The following PPARGC1A variants were observed in gnomAD, a reference collection of about 807,000 sequenced individuals.
PPARGC1A encodes peroxisome proliferator-activated receptor gamma coactivator 1-alpha.
In PPARGC1A, 25 loss-of-function variants were observed where a neutral mutation model predicts 88.7. The observed-to-expected ratio is 0.28, with a 90% CI of 0.21 to 0.39. The LOEUF (loss-of-function observed/expected upper bound fraction) is 0.39, where lower values mean the gene tolerates loss of function less well. PPARGC1A is among the 10% of genes least tolerant of loss of function. The pLI, the probability that PPARGC1A is intolerant of heterozygous loss-of-function variation, is 1.00. For synonymous variants in PPARGC1A, 363 were observed against 355.6 expected, an observed-to-expected ratio of 1.02 and a Z score of -0.24; for missense variants, 880 against 968.7, an observed-to-expected ratio of 0.91 and a Z score of 1.22.
the PPARGC1A span, among the ~76,000 whole-genome samples, chr4:24,135,405 C>T: frequency 2.0e-5 from 3 of 152,158 alleles, no homozygotes; most frequent in Non-Finnish European, 2.9e-5. Context: ...GCCCTCCTTG[C>T]AGGCCACACC....
At position 23,861,038 on chromosome 4, in the gene PPARGC1A, A is replaced by G. The variant is rs59066209; in HGVS notation, c.234+23714T>C. Reference sequence around the variant, plus strand: ...ATAATACCCTGATCAATAATTTGCTACCCAAACCAGAACACTACGACCTCT... The same window carrying G: ...ATAATACCCTGATCAATAATTTGCTGCCCAAACCAGAACACTACGACCTCT... On this transcript the variant is annotated intron_variant, in intron 2 of 12. Transcript: ENST00000264867. Among the ~76,000 whole-genome samples, 1,355 of 152,314 alleles carry G rather than the reference A, an allele frequency of 8.9e-3. 20 individuals carry two copies. The highest frequency in any genetic ancestry group is 0.031 in the African/African-American group (1,291 of 41,566).
At chr4:24,224,991 T>C in the PPARGC1A span, among the ~76,000 whole-genome samples, 1 of 151,796 alleles carries the variant, frequency 6.6e-6, no homozygotes, top group African/African-American at 2.4e-5. Flanking sequence ...TGTTCAAAGA[T>C]CAGCAAGGAG....
chr4:24,109,863 T>G, the PPARGC1A span, among the ~76,000 whole-genome samples: 1 of 152,042 alleles, frequency 6.6e-6, no homozygotes, highest in East Asian at 1.9e-4. Context: ...TCCTTAGAAG[T>G]GGTGGAGCAG....
the PPARGC1A span, among the ~76,000 whole-genome samples, chr4:24,016,233 C>T: frequency 6.6e-6 from 1 of 152,082 alleles, no homozygotes; most frequent in Non-Finnish European, 1.5e-5. Flanking sequence ...ATTTCAAGGG[C>T]TCATGGAAAA....
intron 2 of PPARGC1A, chr4:23,880,687 A>G (rs1161243654): frequency 6.6e-6 from 1 of 152,146 alleles, no homozygotes; most frequent in East Asian, 1.9e-4. Flanking sequence ...TTGATTGCAT[A>G]TAGCAGGATA....
At chr4:24,360,075 T>C in the PPARGC1A span, among the ~76,000 whole-genome samples, 1,084 of 152,286 alleles carry the variant, frequency 7.1e-3, 36 homozygotes, top group East Asian at 0.081. Flanking sequence ...GATATGTCAC[T>C]GGCTCAATGT....
chr4:24,138,083 G>A, the PPARGC1A span, among the ~76,000 whole-genome samples: 3 of 152,150 alleles, frequency 2.0e-5, no homozygotes, highest in Non-Finnish European at 4.4e-5. Flanking sequence ...AAAGTTCAGA[G>A]CATATAACTG....
At chr4:24,196,344 C>A in the PPARGC1A span, among the ~76,000 whole-genome samples, 1 of 152,236 alleles carries the variant, frequency 6.6e-6, no homozygotes, top group African/African-American at 2.4e-5. Context: ...CACAGCCCAC[C>A]TTTTATTGGA....
chr4:24,035,435 G>T, the PPARGC1A span, among the ~76,000 whole-genome samples: 1 of 152,048 alleles, frequency 6.6e-6, no homozygotes, highest in African/African-American at 2.4e-5. Flanking sequence ...CAGCTACTCA[G>T]GAGGCTGAGG....
chr4:23,948,557 G>A, the PPARGC1A span, among the ~76,000 whole-genome samples: 1 of 152,080 alleles, frequency 6.6e-6, no homozygotes, highest in Non-Finnish European at 1.5e-5. Context: ...GAGGCCCTTT[G>A]GGCTGAAATC....
At chr4:23,872,157 A>G (rs1321441153) in intron 2 of PPARGC1A, among the ~76,000 whole-genome samples, 1 of 152,138 alleles carries the variant, frequency 6.6e-6, no homozygotes, top group Non-Finnish European at 1.5e-5. Context: ...ACCATTCTCA[A>G]ATAGAAAGGT....
chr4:24,407,591 T>C, the PPARGC1A span, among the ~76,000 whole-genome samples: 2 of 152,330 alleles, frequency 1.3e-5, no homozygotes, highest in African/African-American at 4.8e-5. Flanking sequence ...CACCCTCCCA[T>C]TGACCTTGCT....
chr4:24,454,205 G>T, the PPARGC1A span, among the ~76,000 whole-genome samples: 1 of 151,208 alleles, frequency 6.6e-6, no homozygotes, highest in African/African-American at 2.4e-5. Flanking sequence ...AGTGAACCCA[G>T]CTGAGTCAAG....
At chr4:24,439,420 G>T in the PPARGC1A span, among the ~76,000 whole-genome samples, 1 of 152,214 alleles carries the variant, frequency 6.6e-6, no homozygotes, top group African/African-American at 2.4e-5. Flanking sequence ...TTGCCAGTTA[G>T]AAGTCATTGG....
the PPARGC1A span, among the ~76,000 whole-genome samples, chr4:24,001,950 TATCAAAA>T: frequency 2.6e-5 from 4 of 152,044 alleles, no homozygotes; most frequent in Non-Finnish European, 5.9e-5. Flanking sequence ...ATCATACATC[TATCAAAA>T]ACATACCAAG....
the PPARGC1A span, among the ~76,000 whole-genome samples, chr4:24,105,228 G>A: frequency 1.4e-4 from 21 of 152,166 alleles, no homozygotes; most frequent in African/African-American, 5.1e-4. Context: ...ACTTCTTCAT[G>A]GTTTATCCCA....
the PPARGC1A span, among the ~76,000 whole-genome samples, chr4:24,259,847 CCA>C: frequency 4.6e-5 from 7 of 151,972 alleles, no homozygotes; most frequent in African/African-American, 1.7e-4. Context: ...TAGATTTTTT[CCA>C]CCCAAAGGAA....
At chr4:24,420,446 G>T in the PPARGC1A span, among the ~76,000 whole-genome samples, 6 of 152,112 alleles carry the variant, frequency 3.9e-5, no homozygotes. Flanking sequence ...ACATAAATAG[G>T]CTAACACTCT....
At chr4:24,419,896 T>C in the PPARGC1A span, among the ~76,000 whole-genome samples, 2 of 152,196 alleles carry the variant, frequency 1.3e-5, no homozygotes, top group South Asian at 4.1e-4. Flanking sequence ...AGCACAAATA[T>C]TGAGTCTAAA....
Sources: allele counts gnomAD v4.1 joint callset (sites outside exome capture counted in the v4.1 genomes callset), GRCh38; gene constraint gnomAD v4.1.1; transcripts MANE v1.5; gene names NCBI Gene and HGNC (gene_info 2026-07-23, HGNC 2026-07-21).